Variants in TIAM1 observed in about 807,000 individuals in gnomAD.
TIAM1 encodes the protein rho guanine nucleotide exchange factor TIAM1.
Under a neutral mutation model 163.5 loss-of-function variants are expected in TIAM1, and 65 were observed. That is an observed-to-expected ratio of 0.40 (90% CI 0.33 to 0.49). The LOEUF (loss-of-function observed/expected upper bound fraction) is 0.49. Ranked by LOEUF, TIAM1 falls within the 20% of genes least tolerant of loss-of-function variation. The probability of loss-of-function intolerance (pLI) is 0.77; values close to 1 mark genes in which losing one functional copy is unlikely to be tolerated. For synonymous variants in TIAM1, 833 were observed against 810.1 expected, an observed-to-expected ratio of 1.03 and a Z score of -0.48; for missense variants, 1,789 against 2,044.7, an observed-to-expected ratio of 0.87 and a Z score of 2.41.
At chr21:31,557,699 G>A (rs2048929592) in intron 1 of TIAM1, among the ~76,000 whole-genome samples, 1 of 152,194 alleles carries the variant, frequency 6.6e-6, no homozygotes, top group African/African-American at 2.4e-5. Flanking sequence ...CCGCGCGGGT[G>A]TCACCGAGGC....
intron 1 of TIAM1, among the ~76,000 whole-genome samples, chr21:31,487,262 C>A (rs1002157187): frequency 6.6e-6 from 1 of 152,188 alleles, no homozygotes; most frequent in African/African-American, 2.4e-5. Context: ...ACAGCCCCCA[C>A]GACAAAGAAT....
intron 15 of TIAM1, among the ~76,000 whole-genome samples, chr21:31,171,255 C>G (rs1241677273): frequency 1.3e-5 from 2 of 151,910 alleles, no homozygotes; most frequent in African/African-American, 4.8e-5. Context: ...TATGAATAGC[C>G]CAAACTGTAA....
intron 2 of TIAM1, among the ~76,000 whole-genome samples, chr21:31,372,835 T>C (rs898671167): frequency 6.6e-6 from 1 of 151,580 alleles, no homozygotes. Flanking sequence ...GCAGGCAGAT[T>C]TCCTGAGGTT....
chr21:31,555,760 C>T (rs764373518), intron 1 of TIAM1, among the ~76,000 whole-genome samples: 3 of 152,170 alleles, frequency 2.0e-5, no homozygotes, highest in Non-Finnish European at 2.9e-5. Flanking sequence ...TCTCACAAAA[C>T]GTGTTTCTCC....
At chr21:31,188,687 C>T (rs2085412070) in intron 13 of TIAM1, among the ~76,000 whole-genome samples, 1 of 152,126 alleles carries the variant, frequency 6.6e-6, no homozygotes, top group African/African-American at 2.4e-5. Context: ...CAATTCCCTA[C>T]CTCATCTACC....
chr21:31,120,192 ATGT>A lies in TIAM1; in HGVS notation c.*173_*175del, dbSNP rs1181858552. ...TTGGGATTCTGATCAATTCTTTCTG[ATGT>A]TGTTGAAAATGACAAAGTTGGGTGG... On this transcript the variant is annotated 3_prime_UTR_variant, in exon 28 of 28. Coordinates refer to ENST00000541036, the MANE Select transcript of TIAM1 (RefSeq NM_001353694.2). This position sits in a 1 kb window ranked among gnomAD's most constrained non-coding sequence, Gnocchi z 4.2. 10 of 589,004 alleles carry A rather than the reference ATGT, an allele frequency of 1.7e-5. No homozygotes were observed. The East Asian group carries it at 1.7e-4, about 10-fold the overall frequency. 36.5% of individuals were successfully genotyped at this position (589,004 alleles called of 1,614,324 possible).
intron 2 of TIAM1, among the ~76,000 whole-genome samples, chr21:31,430,114 G>A (rs1279655852): frequency 6.6e-6 from 1 of 151,518 alleles, no homozygotes; most frequent in African/African-American, 2.4e-5. Context: ...GCTGAGGCAG[G>A]AGAATCGCTT....
intron 1 of TIAM1, among the ~76,000 whole-genome samples, chr21:31,497,356 T>A (rs776173008): frequency 6.6e-6 from 1 of 152,210 alleles, no homozygotes; most frequent in Non-Finnish European, 1.5e-5. Context: ...CAAATAGTTA[T>A]AAGAGTAAGG....
chr21:31,527,332 G>C (rs2147508687), intron 1 of TIAM1, among the ~76,000 whole-genome samples: 1 of 152,244 alleles, frequency 6.6e-6, no homozygotes, highest in Non-Finnish European at 1.5e-5. Context: ...CAGGTTATCA[G>C]AATCTTAGAG....
intron 2 of TIAM1, among the ~76,000 whole-genome samples, chr21:31,453,439 C>T (rs557954504): frequency 5.7e-4 from 87 of 152,150 alleles, no homozygotes; most frequent in Middle Eastern, 3.4e-3. Flanking sequence ...TGGTGGCTCA[C>T]GTCTGTAATC....
At chr21:31,533,281 A>C (rs1473002782) in intron 1 of TIAM1, among the ~76,000 whole-genome samples, 1 of 152,222 alleles carries the variant, frequency 6.6e-6, no homozygotes, top group East Asian at 1.9e-4. Flanking sequence ...AGATAGTACC[A>C]CTGCACTCCA....
intron 18 of TIAM1, 129 bp from the exon 19 acceptor site, chr21:31,152,890 G>A (rs1331842097): frequency 7.1e-7 from 1 of 1,407,690 alleles, no homozygotes; most frequent in East Asian, 2.4e-5. Context: ...CCAGAGAGCG[G>A]GGCAGTTTTT....
intron 1 of TIAM1, among the ~76,000 whole-genome samples, chr21:31,534,181 A>G (rs962530323): frequency 6.6e-6 from 1 of 152,244 alleles, no homozygotes; most frequent in Non-Finnish European, 1.5e-5. Flanking sequence ...AGGCGCTGAC[A>G]CTAAGCATAT....
intron 16 of TIAM1, among the ~76,000 whole-genome samples, chr21:31,156,642 A>G (rs2248656): frequency 0.17 from 26,336 of 152,238 alleles, 2,864 homozygotes; most frequent in Admixed American, 0.35. Context: ...CATCCATTTT[A>G]GCAAAAAATC....
intron 6 of TIAM1, among the ~76,000 whole-genome samples, chr21:31,245,198 G>A: frequency 6.6e-6 from 1 of 152,016 alleles, no homozygotes; most frequent in East Asian, 1.9e-4. Flanking sequence ...ACCACACAAA[G>A]ATATCCTTCA....
intron 4 of TIAM1, among the ~76,000 whole-genome samples, chr21:31,257,994 C>T (rs923047152): frequency 8.6e-5 from 13 of 151,608 alleles, no homozygotes; most frequent in African/African-American, 1.9e-4. Context: ...CTCCCTCCTC[C>T]CCTCCTCTCC....
At chr21:31,487,263 G>A (rs371584585) in intron 1 of TIAM1, among the ~76,000 whole-genome samples, 1 of 152,164 alleles carries the variant, frequency 6.6e-6, no homozygotes, top group Non-Finnish European at 1.5e-5. Flanking sequence ...CAGCCCCCAC[G>A]ACAAAGAATC....
At chr21:31,454,035 C>A (rs545068255) in intron 2 of TIAM1, among the ~76,000 whole-genome samples, 6 of 152,310 alleles carry the variant, frequency 3.9e-5, no homozygotes, top group African/African-American at 1.4e-4. Context: ...AATGCCTACC[C>A]TGACCAATGT....
At chr21:31,134,054 G>A (rs979321590) in intron 23 of TIAM1, among the ~76,000 whole-genome samples, 1 of 152,000 alleles carries the variant, frequency 6.6e-6, no homozygotes, top group Non-Finnish European at 1.5e-5. Context: ...GCAACACAGC[G>A]AGACTCCATC....
Sources: gnomAD v4.1 joint callset for allele counts (sites outside exome capture counted in the v4.1 genomes callset) on GRCh38, gnomAD v4.1.1 for gene constraint, Gnocchi (gnomAD v3.1) non-coding constraint, MANE v1.5 for transcripts, NCBI Gene and HGNC (gene_info 2026-07-23, HGNC 2026-07-21) for gene names.